DLC1: variants seen among roughly 807,000 people sequenced by gnomAD.
DLC1 encodes DLC1 Rho GTPase activating protein.
Under a neutral mutation model 140.3 loss-of-function variants are expected in DLC1, and 54 were observed. The ratio of observed to expected loss-of-function variants is 0.38; its 90% CI spans 0.31 to 0.48. The LOEUF (loss-of-function observed/expected upper bound fraction) is 0.48. Among genes scored for constraint, DLC1 ranks in the 20% least tolerant of loss-of-function variants. The pLI is 0.96. For synonymous variants in DLC1, 986 were observed against 728.1 expected (o/e 1.35, Z -5.70); for missense variants, 2,536 against 1,907.0 (o/e 1.33, Z -6.14).
intron 5 of DLC1, among the ~76,000 whole-genome samples, chr8:13,265,966 C>T (rs913351459): frequency 6.6e-5 from 10 of 151,992 alleles, no homozygotes; most frequent in Admixed American, 1.3e-4. Flanking sequence ...TGCTGTTTAC[C>T]CTCTATGTTT....
At chr8:13,223,931 T>C (rs2117169387) in intron 5 of DLC1, among the ~76,000 whole-genome samples, 1 of 152,330 alleles carries the variant, frequency 6.6e-6, no homozygotes, top group African/African-American at 2.4e-5. Flanking sequence ...ATGTGAAGAA[T>C]GTCTGAAACC....
At chr8:13,596,181 T>C (rs764114782) in intron 1 of DLC1, among the ~76,000 whole-genome samples, 4 of 152,030 alleles carry the variant, frequency 2.6e-5, no homozygotes, top group African/African-American at 9.7e-5. Context: ...TAGTCAATTG[T>C]TGGGTGCCTG....
intron 5 of DLC1, among the ~76,000 whole-genome samples, chr8:13,138,641 T>C (rs1470196175): frequency 6.6e-6 from 1 of 152,268 alleles, no homozygotes; most frequent in Admixed American, 6.5e-5. Flanking sequence ...AAAATAATTT[T>C]AAATGGTATT....
intron 3 of DLC1, among the ~76,000 whole-genome samples, chr8:13,397,315 C>A (rs1334930599): frequency 6.6e-6 from 1 of 151,886 alleles, no homozygotes; most frequent in African/African-American, 2.4e-5. Context: ...ATTTCAGGGG[C>A]AGATATAGGA....
At chr8:13,531,367 C>T (rs562259410) in intron 1 of DLC1, among the ~76,000 whole-genome samples, 1 of 152,128 alleles carries the variant, frequency 6.6e-6, no homozygotes, top group South Asian at 2.1e-4. Context: ...GGGCGGATCA[C>T]CTGAAGTCAG....
At chr8:13,131,918 T>C (rs1822129308) in intron 5 of DLC1, among the ~76,000 whole-genome samples, 1 of 152,130 alleles carries the variant, frequency 6.6e-6, no homozygotes, top group Non-Finnish European at 1.5e-5. Flanking sequence ...CGCAGCAAAC[T>C]ACACGCAGCA....
chr8:13,555,869 A>G (rs937389369), intron 1 of DLC1, among the ~76,000 whole-genome samples: 2 of 151,964 alleles, frequency 1.3e-5, no homozygotes, highest in Non-Finnish European at 1.5e-5. Flanking sequence ...TTACATATTA[A>G]TGGTGCATAC....
At chr8:13,400,134 C>A (rs1837229188) in intron 3 of DLC1, among the ~76,000 whole-genome samples, 1 of 152,056 alleles carries the variant, frequency 6.6e-6, no homozygotes, top group Non-Finnish European at 1.5e-5. Context: ...CAAGAGGTGA[C>A]CTAGAATATC....
chr8:13,112,699 T>G (rs1034899313), intron 6 of DLC1, among the ~76,000 whole-genome samples: 6 of 151,876 alleles, frequency 4.0e-5, no homozygotes, highest in African/African-American at 1.4e-4. Context: ...TGTATTTTGC[T>G]TTTTTTTGTT....
rs565662972 is a variant in DLC1, at chr8:13,113,467, A to C, written c.1420+2119T>G. 1.8e-4 allele frequency among the ~76,000 whole-genome samples: 27 copies of C among 152,356 alleles called. No individual in the cohort carries two copies. In the South Asian group the frequency reaches 3.7e-3, roughly 21 times the overall value. ...TGTAACTTGTGCAAATGCACCCTGC[A>C]TTTTAGGATTAGGAAAGAGGAGACA... On this transcript the variant is annotated intron_variant, in intron 6 of 17. Transcript: ENST00000276297.
chr8:13,253,670 A>T (rs1325547933), intron 5 of DLC1, among the ~76,000 whole-genome samples: 1 of 152,220 alleles, frequency 6.6e-6, no homozygotes, highest in African/African-American at 2.4e-5. Flanking sequence ...CAAACACCTT[A>T]ATCTTAGCAA....
At chr8:13,455,321 A>G (rs955657907) in intron 2 of DLC1, among the ~76,000 whole-genome samples, 2 of 152,180 alleles carry the variant, frequency 1.3e-5, no homozygotes, top group East Asian at 1.9e-4. Flanking sequence ...GTTAAAATGC[A>G]TGTGTTAGAT....
chr8:13,226,129 G>C (rs947920676), intron 5 of DLC1, among the ~76,000 whole-genome samples: 56 of 152,210 alleles, frequency 3.7e-4, no homozygotes, highest in Admixed American at 1.3e-3. Context: ...GCCCAGGCTA[G>C]TCTTGAACTT....
chr8:13,149,796 A>T (rs924473653), intron 5 of DLC1, among the ~76,000 whole-genome samples: 1 of 152,226 alleles, frequency 6.6e-6, no homozygotes, highest in Non-Finnish European at 1.5e-5. Context: ...AGGCTGGAAT[A>T]AAACAGGTGA....
chr8:13,302,249 C>T (rs1008272448), intron 5 of DLC1, among the ~76,000 whole-genome samples: 1 of 152,124 alleles, frequency 6.6e-6, no homozygotes, highest in Non-Finnish European at 1.5e-5. Context: ...GATGGGATAT[C>T]CTCCAACTAG....
At chr8:13,376,939 T>A (rs944905196) in intron 4 of DLC1, among the ~76,000 whole-genome samples, 3 of 152,120 alleles carry the variant, frequency 2.0e-5, no homozygotes, top group African/African-American at 7.2e-5. Flanking sequence ...GTCAGCAGAT[T>A]GTAAATATAA....
At chr8:13,436,071 T>G (rs1839111012) in intron 2 of DLC1, among the ~76,000 whole-genome samples, 1 of 152,242 alleles carries the variant, frequency 6.6e-6, no homozygotes, top group Non-Finnish European at 1.5e-5. Flanking sequence ...TGTTGCATAC[T>G]TGACTACAGT....
chr8:13,370,143 C>T (rs965450029), intron 4 of DLC1, among the ~76,000 whole-genome samples: 2 of 151,624 alleles, frequency 1.3e-5, no homozygotes, highest in African/African-American at 4.9e-5. Flanking sequence ...GTAAAGCCTA[C>T]CTTGATCACT....
At position 13,099,145 on chromosome 8, in the gene DLC1, A is replaced by T. The variant is rs138235068; in HGVS notation, c.2990+202T>A. On this transcript the variant is annotated intron_variant, in intron 9 of 17. Coordinates refer to ENST00000276297, the MANE Select transcript of DLC1 (RefSeq NM_182643.3). ...GCCAACCATCTCCAGAACTTTTTTC[A>T]TCTTCCCCAACCGGAACTCTATACC... Among the ~76,000 whole-genome samples, 4 of 152,168 alleles carry T rather than the reference A, an allele frequency of 2.6e-5. No homozygotes were observed. In the East Asian group the frequency reaches 7.7e-4, roughly 29 times the overall value.
Sources: allele counts gnomAD v4.1 joint callset (sites outside exome capture counted in the v4.1 genomes callset), GRCh38; gene constraint gnomAD v4.1.1; transcripts MANE v1.5; gene names NCBI Gene and HGNC (gene_info 2026-07-23, HGNC 2026-07-21).